CAMTA1: variants seen among roughly 807,000 people sequenced by gnomAD.
The protein encoded by CAMTA1 is calmodulin binding transcription activator 1, also known as calmodulin-binding transcription activator 1.
In CAMTA1, 27 loss-of-function variants were observed where a neutral mutation model predicts 170.9. The ratio of observed to expected loss-of-function variants is 0.16; its 90% CI spans 0.12 to 0.22. The LOEUF is 0.22. CAMTA1 is among the 10% of genes least tolerant of loss of function. The pLI, the probability that CAMTA1 is intolerant of heterozygous loss-of-function variation, is 1.00. For synonymous variants in CAMTA1, 833 were observed against 891.5 expected (o/e 0.93, Z 1.17); for missense variants, 1,619 against 2,217.2 (o/e 0.73, Z 5.42).
At chr1:7,423,638 C>G (rs963613552) in intron 5 of CAMTA1, among the ~76,000 whole-genome samples, 2 of 152,000 alleles carry the variant, frequency 1.3e-5, no homozygotes, top group African/African-American at 4.8e-5. Context: ...AACATGAATT[C>G]CACAAGGGTC....
At chr1:7,445,119 G>A (rs1015600577) in intron 5 of CAMTA1, among the ~76,000 whole-genome samples, 15 of 151,868 alleles carry the variant, frequency 9.9e-5, no homozygotes, top group Admixed American at 5.2e-4. Context: ...TCAAGGGGAG[G>A]TGATGTCTAA....
intron 5 of CAMTA1, among the ~76,000 whole-genome samples, chr1:7,292,444 G>A (rs1673283033): frequency 6.6e-6 from 1 of 152,184 alleles, no homozygotes; most frequent in Non-Finnish European, 1.5e-5. Flanking sequence ...ACACTCCGGA[G>A]AGGCTGGATG....
At chr1:6,892,730 T>G (rs1190776568) in intron 3 of CAMTA1, among the ~76,000 whole-genome samples, 1 of 151,968 alleles carries the variant, frequency 6.6e-6, no homozygotes, top group Non-Finnish European at 1.5e-5. Flanking sequence ...CAACTAGGTC[T>G]CCGTTTCTAA....
At chr1:7,395,158 C>G (rs1267743014) in intron 5 of CAMTA1, among the ~76,000 whole-genome samples, 1 of 152,200 alleles carries the variant, frequency 6.6e-6, no homozygotes, top group Admixed American at 6.5e-5. Flanking sequence ...GCTGGGATTA[C>G]AGGCGTGAGC....
In CAMTA1 at chr1:7,663,861, T is replaced by A; in HGVS notation, c.1314T>A (p.Asp438Glu). The change falls in exon 9 of 23, where the codon GAT becomes GAA. Residue 438 changes from aspartate to glutamate, a missense_variant. Transcript: ENST00000303635. ...GCCTCGTCCTGGCCGTGAGCTCTGA[T>A]GGCCACAAGTTCGCCTTTCCCACCA... is the stretch of plus-strand genomic sequence containing the variant. ...SQGLVLAVSS[D>E]GHKFAFPTTG... 1 of 1,614,066 alleles carries A rather than the reference T, an allele frequency of 6.2e-7. No individual in the cohort carries two copies. The highest frequency in any genetic ancestry group is 8.5e-7 in the Non-Finnish European group (1 of 1,180,038).
At chr1:6,791,961 G>A (rs1264107203) in intron 1 of CAMTA1, among the ~76,000 whole-genome samples, 1 of 151,554 alleles carries the variant, frequency 6.6e-6, no homozygotes, top group Non-Finnish European at 1.5e-5. Context: ...TATAAGGAAA[G>A]TGTTTCTTTT....
intron 4 of CAMTA1, among the ~76,000 whole-genome samples, chr1:7,218,768 G>T (rs1660202022): frequency 6.6e-6 from 1 of 151,978 alleles, no homozygotes; most frequent in Admixed American, 6.6e-5. Context: ...TTATCCTCTT[G>T]CTCTTTATAA....
chr1:7,451,588 G>T (rs2092825913), intron 5 of CAMTA1, among the ~76,000 whole-genome samples: 1 of 152,170 alleles, frequency 6.6e-6, no homozygotes, highest in Non-Finnish European at 1.5e-5. Context: ...GGTTGGGGAG[G>T]TGGTGGGGAA....
At chr1:7,535,257 G>A (rs529960814) in intron 6 of CAMTA1, among the ~76,000 whole-genome samples, 3 of 152,222 alleles carry the variant, frequency 2.0e-5, no homozygotes, top group South Asian at 4.1e-4. Flanking sequence ...CCCTGGCAGG[G>A]CCCCCGGTCC....
At position 7,333,209 on chromosome 1, in the gene CAMTA1, A is replaced by G. The variant is rs1348176044; in HGVS notation, c.438+83583A>G. Among the ~76,000 whole-genome samples the G allele has an allele frequency of 2.0e-5, 3 of 152,100 alleles. No homozygotes were observed. The highest frequency in any genetic ancestry group is 7.2e-5 in the African/African-American group (3 of 41,414). On this transcript the variant is annotated intron_variant, in intron 5 of 22. Coordinates refer to ENST00000303635, the MANE Select transcript of CAMTA1 (RefSeq NM_015215.4). The surrounding 1 kb of genome is among the most constrained non-coding windows in gnomAD (Gnocchi z 4.4). ...TGTCGCCCTTCTCTGCAGTTTTTGG[A>G]CAGGGATAGCAAACATGTCAGAGGA...
chr1:7,067,109 C>T lies in CAMTA1; in HGVS notation c.235-24195C>T, dbSNP rs1709057250. Among the ~76,000 whole-genome samples, 1 of 152,238 alleles carries T rather than the reference C, an allele frequency of 6.6e-6. No homozygotes were observed. Among genetic ancestry groups the T allele is most frequent in the Non-Finnish European group, 1.5e-5 (1 of 68,044 alleles). ...GGAATGCCCCAGTCCCCACACGGGG[C>T]ACCCCCTTACCCATAGCACTGTCTC... On this transcript the variant is annotated intron_variant, in intron 3 of 22. Coordinates refer to ENST00000303635, the MANE Select transcript of CAMTA1 (RefSeq NM_015215.4). This position sits in a 1 kb window ranked among gnomAD's most constrained non-coding sequence, Gnocchi z 4.3.
At chr1:7,086,541 C>G (rs1302438349) in intron 3 of CAMTA1, among the ~76,000 whole-genome samples, 1 of 152,168 alleles carries the variant, frequency 6.6e-6, no homozygotes, top group African/African-American at 2.4e-5. Flanking sequence ...CAGAAGGAAA[C>G]CCGACACCCA....
At chr1:7,730,323 CTG>C (rs2096722144) in intron 11 of CAMTA1, among the ~76,000 whole-genome samples, 1 of 152,230 alleles carries the variant, frequency 6.6e-6, no homozygotes, top group African/African-American at 2.4e-5. Context: ...CTCCCTCCCT[CTG>C]TGCTCCAGCC....
At chr1:7,687,712 G>C (rs1403678627) in intron 11 of CAMTA1, among the ~76,000 whole-genome samples, 1 of 152,202 alleles carries the variant, frequency 6.6e-6, no homozygotes, top group Non-Finnish European at 1.5e-5. Flanking sequence ...GGCAGCTTCT[G>C]TGTCCCTGGG....
chr1:6,988,389 G>A (rs1218409729), intron 3 of CAMTA1, among the ~76,000 whole-genome samples: 2 of 152,142 alleles, frequency 1.3e-5, no homozygotes, highest in Admixed American at 6.5e-5. Context: ...CTATTGAAAC[G>A]AGCCTTTCAG....
intron 4 of CAMTA1, among the ~76,000 whole-genome samples, chr1:7,125,661 G>C (rs1434167028): frequency 3.9e-5 from 6 of 152,224 alleles, no homozygotes; most frequent in Non-Finnish European, 8.8e-5. Flanking sequence ...AGAGGCTAGA[G>C]GAAGGAGAGC....
intron 6 of CAMTA1, among the ~76,000 whole-genome samples, chr1:7,582,624 G>T (rs534007143): frequency 7.9e-5 from 12 of 152,294 alleles, no homozygotes; most frequent in Admixed American, 5.9e-4. Flanking sequence ...TTCTGGTCCA[G>T]TGTGGCTGCT....
intron 16 of CAMTA1, among the ~76,000 whole-genome samples, chr1:7,744,008 TA>T (rs2096838038): frequency 6.6e-6 from 1 of 151,642 alleles, no homozygotes; most frequent in African/African-American, 2.4e-5. Flanking sequence ...TTGTATTTTT[TA>T]ATAGAGACGG....
rs1358744509 is a variant in CAMTA1, at chr1:7,456,761, C to T, written c.439-11069C>T. On this transcript the variant is annotated intron_variant, in intron 5 of 22. Transcript: ENST00000303635. This position sits in a 1 kb window ranked among gnomAD's most constrained non-coding sequence, Gnocchi z 4.9. ...AGGAGCTGGGCTGCCTTCCCCAAAGCGGTTTGGCAGGTGCTGGGACACAGC... is the reference window on the plus strand; with the variant it reads ...AGGAGCTGGGCTGCCTTCCCCAAAGTGGTTTGGCAGGTGCTGGGACACAGC... Among the ~76,000 whole-genome samples the T allele has an allele frequency of 2.0e-5, 3 of 152,348 alleles. No individual in the cohort carries two copies. The highest frequency in any genetic ancestry group is 2.1e-4 in the South Asian group (1 of 4,826).
Sources: allele counts gnomAD v4.1 joint callset (sites outside exome capture counted in the v4.1 genomes callset), GRCh38; gene constraint gnomAD v4.1.1; non-coding constraint Gnocchi (gnomAD v3.1); transcripts MANE v1.5; gene names NCBI Gene and HGNC (gene_info 2026-07-23, HGNC 2026-07-21).